The following MSRA variants were observed in gnomAD, a reference collection of about 807,000 sequenced individuals.
The protein encoded by MSRA is mitochondrial peptide methionine sulfoxide reductase.
A neutral mutation model predicts 31.3 loss-of-function variants in MSRA; 54 were observed. The ratio of observed to expected loss-of-function variants is 1.73; its 90% CI spans 1.39 to 2.17. MSRA has a LOEUF of 2.17. Ranked by LOEUF, MSRA falls within the 30% of genes most tolerant of loss-of-function variation. MSRA has a pLI of 0.00. For synonymous variants in MSRA, 169 were observed against 116.5 expected (o/e 1.45, Z -2.90); for missense variants, 507 against 300.9 (o/e 1.69, Z -5.07).
intron 1 of MSRA, among the ~76,000 whole-genome samples, chr8:10,188,262 T>C (rs1015877681): frequency 2.0e-5 from 3 of 152,230 alleles, no homozygotes; most frequent in South Asian, 2.1e-4. Context: ...GCACTTTTTT[T>C]GGTGTAAGTT....
intron 1 of MSRA, among the ~76,000 whole-genome samples, chr8:10,093,446 C>T (rs916661086): frequency 2.0e-5 from 3 of 152,084 alleles, no homozygotes; most frequent in African/African-American, 7.2e-5. Context: ...AAAAACTTTG[C>T]TCCTATATAG....
intron 5 of MSRA, chr8:10,353,476 T>G: frequency 3.2e-6 from 1 of 310,250 alleles, no homozygotes; most frequent in Admixed American, 3.6e-5. Context: ...GTCCTGTATT[T>G]GGTACCGGAG....
intron 2 of MSRA, among the ~76,000 whole-genome samples, chr8:10,220,296 G>A (rs10110380): frequency 0.43 from 65,397 of 152,010 alleles, 14,199 homozygotes; most frequent in East Asian, 0.6. Context: ...GCCTGCAGAT[G>A]GATGTCTTTC....
chr8:10,149,033 G>A (rs1803415859), intron 1 of MSRA, among the ~76,000 whole-genome samples: 1 of 150,582 alleles, frequency 6.6e-6, no homozygotes, highest in South Asian at 2.1e-4. Context: ...TTGGCTCAGT[G>A]TAACCTCTGC....
intron 2 of MSRA, 47 bp from the exon 3 acceptor site, chr8:10,245,057 T>C (rs529420080): frequency 5.2e-5 from 83 of 1,595,112 alleles, no homozygotes; most frequent in East Asian, 8.9e-5. Flanking sequence ...ATGACCACTT[T>C]GTTTTGAATA....
intron 1 of MSRA, among the ~76,000 whole-genome samples, chr8:10,091,135 G>A (rs1798835083): frequency 6.6e-6 from 1 of 152,110 alleles, no homozygotes; most frequent in South Asian, 2.1e-4. Context: ...AATCCCACTT[G>A]GTCATGGCTT....
At chr8:10,225,716 C>G (rs1394021619) in intron 2 of MSRA, among the ~76,000 whole-genome samples, 1 of 152,130 alleles carries the variant, frequency 6.6e-6, no homozygotes, top group African/African-American at 2.4e-5. Context: ...ATGTAGATGT[C>G]TGACGAGCCT....
intron 5 of MSRA, among the ~76,000 whole-genome samples, chr8:10,366,368 G>A (rs1805166067): frequency 6.6e-6 from 1 of 152,204 alleles, no homozygotes; most frequent in Non-Finnish European, 1.5e-5. Context: ...CGGAAGATGC[G>A]AGGGCCCCAG....
At chr8:10,221,906 G>A (rs1810537358) in intron 2 of MSRA, among the ~76,000 whole-genome samples, 1 of 152,160 alleles carries the variant, frequency 6.6e-6, no homozygotes, top group Non-Finnish European at 1.5e-5. Context: ...GAGTGGCGGA[G>A]GCCTGTGTGG....
chr8:10,399,660 T>C (rs933249460), intron 5 of MSRA, among the ~76,000 whole-genome samples: 5 of 152,190 alleles, frequency 3.3e-5, no homozygotes, highest in African/African-American at 1.2e-4. Flanking sequence ...GCCTCTGATA[T>C]TTATTTATAG....
At chr8:10,264,283 G>A (rs1323409573) in intron 3 of MSRA, among the ~76,000 whole-genome samples, 1 of 152,180 alleles carries the variant, frequency 6.6e-6, no homozygotes. Context: ...CCAGCTATTA[G>A]CATGTAGCAT....
At chr8:10,241,370 T>C (rs113535919) in intron 2 of MSRA, among the ~76,000 whole-genome samples, 168 of 152,268 alleles carry the variant, frequency 1.1e-3, no homozygotes, top group African/African-American at 3.6e-3. Context: ...GCCAAAGATA[T>C]GACTGCTGAA....
chr8:10,157,363 G>C (rs558650727), intron 1 of MSRA, among the ~76,000 whole-genome samples: 8 of 152,174 alleles, frequency 5.3e-5, no homozygotes, highest in African/African-American at 1.9e-4. Flanking sequence ...TGATTTGAGG[G>C]CCTTAGTCTT....
In MSRA at chr8:10,057,732, C is replaced by CA. The variant is rs1480512627; in HGVS notation, c.142+3074_142+3075insA. 2.6e-5 allele frequency among the ~76,000 whole-genome samples: 4 copies of CA among 152,168 alleles called. No homozygotes were observed. In the East Asian group the frequency reaches 7.7e-4, roughly 29 times the overall value. On this transcript the variant is annotated intron_variant, in intron 1 of 5. Coordinates refer to ENST00000317173, the MANE Select transcript of MSRA (RefSeq NM_012331.5). ...GCTTGCCCCTTTGCGCTCTCTCGTT[C>CA]TCTCCTGCTCCTTTGTGTGGAGATG...
chr8:10,220,124 C>A (rs945792367), intron 2 of MSRA, among the ~76,000 whole-genome samples: 3 of 152,170 alleles, frequency 2.0e-5, no homozygotes, highest in African/African-American at 4.8e-5. Flanking sequence ...CTTAAAAGCC[C>A]ACGATCATTG....
chr8:10,150,649 A>C (rs1803585560), intron 1 of MSRA, among the ~76,000 whole-genome samples: 1 of 152,114 alleles, frequency 6.6e-6, no homozygotes, highest in Admixed American at 6.6e-5. Flanking sequence ...TTTGATTGAC[A>C]GATATCTGTG....
chr8:10,412,844 A>G (rs529478505), intron 5 of MSRA, among the ~76,000 whole-genome samples: 3 of 152,240 alleles, frequency 2.0e-5, no homozygotes, highest in Non-Finnish European at 2.9e-5. Flanking sequence ...ACACAGAGCA[A>G]TGGGAACTCT....
intron 5 of MSRA, among the ~76,000 whole-genome samples, chr8:10,336,603 G>C (rs564986589): frequency 6.6e-6 from 1 of 152,154 alleles, no homozygotes; most frequent in East Asian, 1.9e-4. Context: ...AGTGAAATTA[G>C]GCTCTTGTTT....
rs1450727241 is a variant in MSRA, at chr8:10,325,126, C to A, written c.543+5137C>A. ...TTAGTGTCCTCTGGGTCCACTGTCT[C>A]CAAAGGGTCCTTCTCACTCCGATCC... On this transcript the variant is annotated intron_variant, in intron 5 of 5. Transcript: ENST00000317173. Among the ~76,000 whole-genome samples the A allele has an allele frequency of 5.3e-5, 8 of 152,220 alleles. No homozygotes were observed. The East Asian group carries it at 1.6e-3, about 30-fold the overall frequency.
Sources: allele counts gnomAD v4.1 joint callset (sites outside exome capture counted in the v4.1 genomes callset), GRCh38; gene constraint gnomAD v4.1.1; transcripts MANE v1.5; gene names NCBI Gene and HGNC (gene_info 2026-07-23, HGNC 2026-07-21).